MB21D2: variants seen among roughly 807,000 people sequenced by gnomAD.
MB21D2 encodes nucleotidyltransferase MB21D2.
Under a neutral mutation model 33.3 loss-of-function variants are expected in MB21D2, and 9 were observed. The observed-to-expected ratio is 0.27, with a 90% CI of 0.16 to 0.47. MB21D2 has a LOEUF of 0.47. Among genes scored for constraint, MB21D2 ranks in the 20% least tolerant of loss-of-function variants. MB21D2 has a pLI of 0.99. For synonymous variants in MB21D2, 241 were observed against 236.3 expected (o/e 1.02, Z -0.18); for missense variants, 540 against 624.6 (o/e 0.86, Z 1.44).
intron 1 of MB21D2, among the ~76,000 whole-genome samples, chr3:192,815,841 G>C (rs1374523493): frequency 3.3e-5 from 5 of 152,158 alleles, no homozygotes; most frequent in Admixed American, 2.0e-4. Flanking sequence ...AGATAGGGAT[G>C]GATTTTTGTC....
At chr3:192,825,158 T>C (rs1012445975) in intron 1 of MB21D2, among the ~76,000 whole-genome samples, 3 of 152,196 alleles carry the variant, frequency 2.0e-5, no homozygotes, top group Non-Finnish European at 4.4e-5. Flanking sequence ...TACTTTATTG[T>C]TTGGAGACAG....
intron 1 of MB21D2, among the ~76,000 whole-genome samples, chr3:192,887,949 G>A (rs528302607): frequency 9.2e-5 from 14 of 152,034 alleles, no homozygotes; most frequent in African/African-American, 1.2e-4. Context: ...GCTGGTTCAC[G>A]GGTCCCATAC....
intron 1 of MB21D2, among the ~76,000 whole-genome samples, chr3:192,840,795 G>T (rs1455529241): frequency 6.6e-6 from 1 of 152,146 alleles, no homozygotes; most frequent in Non-Finnish European, 1.5e-5. Flanking sequence ...GGTTTTAGTT[G>T]GTTAAGACAA....
In MB21D2 at chr3:192,864,656, G is replaced by A. The variant is rs192804291; in HGVS notation, c.211+52974C>T. Among the ~76,000 whole-genome samples, 5 of 152,220 alleles carry A rather than the reference G, an allele frequency of 3.3e-5. No homozygotes were observed. In the East Asian group the frequency reaches 5.8e-4, roughly 18 times the overall value. ...CAAGTAGCTGGGATTACAGACACCCGCCACCACGCCTGGTTAATTTTTGTA... is the reference window on the plus strand; with the variant it reads ...CAAGTAGCTGGGATTACAGACACCCACCACCACGCCTGGTTAATTTTTGTA... On this transcript the variant is annotated intron_variant, in intron 1 of 1. Coordinates refer to ENST00000392452, the MANE Select transcript of MB21D2 (RefSeq NM_178496.4).
rs1056781756 is a variant in MB21D2, at chr3:192,875,968, C to T, written c.211+41662G>A. Among the ~76,000 whole-genome samples the T allele has an allele frequency of 2.6e-5, 4 of 152,254 alleles. No homozygotes were observed. The East Asian group carries it at 7.7e-4, about 29-fold the overall frequency. On this transcript the variant is annotated intron_variant, in intron 1 of 1. Transcript: ENST00000392452. Reference sequence around the variant, plus strand: ...AGATGCTGAAGACGTAGGTACTTGTCCCAGATTAACCAGGATGTACCTATG... The same window carrying T: ...AGATGCTGAAGACGTAGGTACTTGTTCCAGATTAACCAGGATGTACCTATG...
chr3:192,856,454 GGAA>G (rs1712918435), intron 1 of MB21D2, among the ~76,000 whole-genome samples: 1 of 152,172 alleles, frequency 6.6e-6, no homozygotes, highest in Non-Finnish European at 1.5e-5. Flanking sequence ...ATAAGCACCA[GGAA>G]GAAAAGACCC....
chr3:192,828,782 A>G (rs950332538), intron 1 of MB21D2, among the ~76,000 whole-genome samples: 56 of 149,836 alleles, frequency 3.7e-4, no homozygotes, highest in African/African-American at 1.2e-3. Context: ...CCGAGTAGCT[A>G]GGACTACAGG....
intron 1 of MB21D2, among the ~76,000 whole-genome samples, chr3:192,912,481 C>T (rs561721433): frequency 2.4e-3 from 362 of 152,060 alleles, no homozygotes; most frequent in African/African-American, 8.3e-3. Context: ...CCAGCCTTGG[C>T]CAACAACATG....
chr3:192,842,004 T>C (rs1460047187), intron 1 of MB21D2, among the ~76,000 whole-genome samples: 1 of 152,122 alleles, frequency 6.6e-6, no homozygotes, highest in Non-Finnish European at 1.5e-5. Flanking sequence ...GGCCAGAGTG[T>C]CTACGCTTTA....
intron 1 of MB21D2, among the ~76,000 whole-genome samples, chr3:192,815,465 A>C (rs980651659): frequency 2.6e-5 from 4 of 152,240 alleles, no homozygotes; most frequent in Non-Finnish European, 5.9e-5. Flanking sequence ...GTGTTTAGCA[A>C]TGTTGAAATG....
chr3:192,912,348 A>G (rs924118574), intron 1 of MB21D2, among the ~76,000 whole-genome samples: 1 of 152,018 alleles, frequency 6.6e-6, no homozygotes, highest in Non-Finnish European at 1.5e-5. Context: ...AGGGAGAGAA[A>G]GAGGGACAGA....
At chr3:192,853,050 CTCTCTG>C (rs1457615174) in intron 1 of MB21D2, among the ~76,000 whole-genome samples, 1 of 143,608 alleles carries the variant, frequency 7.0e-6, no homozygotes, top group Non-Finnish European at 1.5e-5. Flanking sequence ...CTCTCTCTCT[CTCTCTG>C]AGACCATTTT....
At chr3:192,886,031 G>A (rs1713724916) in intron 1 of MB21D2, among the ~76,000 whole-genome samples, 1 of 151,982 alleles carries the variant, frequency 6.6e-6, no homozygotes, top group Admixed American at 6.5e-5. Context: ...CGCGATCTCG[G>A]CTGACTGCAA....
intron 1 of MB21D2, among the ~76,000 whole-genome samples, chr3:192,820,866 G>A (rs1479272673): frequency 6.6e-6 from 1 of 152,120 alleles, no homozygotes; most frequent in African/African-American, 2.4e-5. Flanking sequence ...TTGGGCTCAA[G>A]CAATCCTCTC....
At chr3:192,915,949 C>T (rs932874705) in intron 1 of MB21D2, among the ~76,000 whole-genome samples, 1 of 152,024 alleles carries the variant, frequency 6.6e-6, no homozygotes, top group Admixed American at 6.6e-5. Flanking sequence ...ATTATTTATG[C>T]CACAGAGAAA....
chr3:192,877,525 C>T (rs545122982), intron 1 of MB21D2, among the ~76,000 whole-genome samples: 2 of 152,352 alleles, frequency 1.3e-5, no homozygotes, highest in South Asian at 2.1e-4. Flanking sequence ...CGTATATCAA[C>T]TCATCCACAA....
chr3:192,829,416 G>T (rs1909812), intron 1 of MB21D2, among the ~76,000 whole-genome samples: 92,603 of 152,092 alleles, frequency 0.61, 30,069 homozygotes, highest in African/African-American at 0.83. Context: ...ATTTTTTAAG[G>T]GTGGATGTGT....
rs78315762 is a variant in MB21D2 at position 192,809,645 on chromosome 3, G to C, written c.212-9995C>G. ...CAAAAATGGAACAAATTCTATTTTG[G>C]AGTAAACAGATTTCTAGAGCAGATT... On this transcript the variant is annotated intron_variant, in intron 1 of 1. Transcript: ENST00000392452. 6.0e-3 allele frequency among the ~76,000 whole-genome samples: 908 copies of C among 152,304 alleles called. 3 individuals are homozygous for C. The highest frequency in any genetic ancestry group is 8.3e-3 in the Non-Finnish European group (567 of 68,026).
At chr3:192,909,024 G>A (rs555807488) in intron 1 of MB21D2, among the ~76,000 whole-genome samples, 78 of 151,990 alleles carry the variant, frequency 5.1e-4, no homozygotes, top group African/African-American at 1.8e-3. Flanking sequence ...GGGAGGCCAA[G>A]GCAGGCAGAT....
Sources: allele counts gnomAD v4.1 joint callset (sites outside exome capture counted in the v4.1 genomes callset), GRCh38; gene constraint gnomAD v4.1.1; transcripts MANE v1.5; gene names NCBI Gene and HGNC (gene_info 2026-07-23, HGNC 2026-07-21).